Variants in PDGFRL observed in about 807,000 individuals in gnomAD.
PDGFRL encodes platelet-derived growth factor receptor-like protein.
In PDGFRL, 46 loss-of-function variants were observed where a neutral mutation model predicts 37.2. The ratio of observed to expected loss-of-function variants is 1.24; its 90% CI spans 0.98 to 1.58. The LOEUF (loss-of-function observed/expected upper bound fraction) is 1.58, where lower values mean the gene tolerates loss of function less well. Ranked by LOEUF, PDGFRL falls within the 40% of genes most tolerant of loss-of-function variation. PDGFRL has a pLI of 0.00. For synonymous variants in PDGFRL, 251 were observed against 184.3 expected, an observed-to-expected ratio of 1.36 and a Z score of -2.93; for missense variants, 692 against 467.6, an observed-to-expected ratio of 1.48 and a Z score of -4.43.
At chr8:17,577,765 C>T (rs1803618531) in intron 1 of PDGFRL, among the ~76,000 whole-genome samples, 1 of 151,404 alleles carries the variant, frequency 6.6e-6, no homozygotes, top group African/African-American at 2.4e-5. Flanking sequence ...AGGTGACCTC[C>T]CCCTCCCCTC....
At chr8:17,597,018 TTTG>T (rs1297282432) in intron 2 of PDGFRL, among the ~76,000 whole-genome samples, 1 of 145,160 alleles carries the variant, frequency 6.9e-6, no homozygotes, top group Non-Finnish European at 1.5e-5. Context: ...TGTAGTTTTT[TTTG>T]TTTTTTGTTT....
chr8:17,628,386 C>G, intron 3 of PDGFRL, 101 bp from the exon 4 acceptor site: 1 of 827,106 alleles, frequency 1.2e-6, no homozygotes, highest in Admixed American at 2.0e-5. Flanking sequence ...CTTTCCTACT[C>G]CTAAGGACTC....
rs984454150 is a variant in PDGFRL at position 17,628,925 on chromosome 8, C to G, written c.799+145C>G. On this transcript the variant is annotated intron_variant, in intron 4 of 5. Transcript: ENST00000251630. ...TTGGGTTGTTGTTGTTTTTTTTTCT[C>G]TTTTTTCTTGAGACAGGGTCCCGTT... is the stretch of plus-strand genomic sequence containing the variant. The G allele has an allele frequency of 2.5e-5, 16 of 630,402 alleles. No individual in the cohort carries two copies. The African/African-American group carries it at 2.8e-4, about 11-fold the overall frequency. 39.1% of individuals were successfully genotyped at this position (630,402 alleles called of 1,614,324 possible).
At chr8:17,629,685 A>G (rs1804822198) in intron 4 of PDGFRL, among the ~76,000 whole-genome samples, 1 of 152,054 alleles carries the variant, frequency 6.6e-6, no homozygotes, top group Admixed American at 6.6e-5. Context: ...TCGACTTGGT[A>G]CCCACTGGCC....
rs1432489421 is a variant in PDGFRL, at chr8:17,593,024, C to T, written c.353+3259C>T. On this transcript the variant is annotated intron_variant, in intron 2 of 5. Transcript: ENST00000251630. ...GATATTAAACTGTCTACTTATCTCT[C>T]TTATCCTGTTGTATTAAGACATCTT... 4.6e-5 allele frequency among the ~76,000 whole-genome samples: 7 copies of T among 152,222 alleles called. 1 individual carries two copies. Among genetic ancestry groups the T allele is most frequent in the Admixed American group, 4.6e-4 (7 of 15,282 alleles).
At chr8:17,629,707 C>T (rs1407002630) in intron 4 of PDGFRL, among the ~76,000 whole-genome samples, 1 of 152,140 alleles carries the variant, frequency 6.6e-6, no homozygotes, top group Non-Finnish European at 1.5e-5. Flanking sequence ...GGTTCATGGA[C>T]CCCTCATCCG....
intron 2 of PDGFRL, among the ~76,000 whole-genome samples, chr8:17,602,610 G>A (rs1310575844): frequency 2.0e-5 from 3 of 152,208 alleles, no homozygotes. Flanking sequence ...GAAAGTGGTT[G>A]AAATTCCACA....
chr8:17,600,776 T>G (rs1804149632), intron 2 of PDGFRL, among the ~76,000 whole-genome samples: 1 of 149,646 alleles, frequency 6.7e-6, no homozygotes, highest in Non-Finnish European at 1.5e-5. Context: ...TGCTCCAGCC[T>G]GGGCAACAGA....
chr8:17,641,488 G>C (rs1357807114), intron 5 of PDGFRL, among the ~76,000 whole-genome samples: 1 of 152,172 alleles, frequency 6.6e-6, no homozygotes, highest in Non-Finnish European at 1.5e-5. Context: ...CTATTCCTGT[G>C]TTTCACTTGG....
rs563964521 is a variant in PDGFRL at position 17,610,747 on chromosome 8, C to A, written c.354-10304C>A. Among the ~76,000 whole-genome samples the A allele has an allele frequency of 7.2e-5, 11 of 152,284 alleles. No individual in the cohort carries two copies. The South Asian group carries it at 2.1e-3, about 29-fold the overall frequency. On this transcript the variant is annotated intron_variant, in intron 2 of 5. Coordinates refer to ENST00000251630, the MANE Select transcript of PDGFRL (RefSeq NM_001372073.1). ...CCAGTATGGTGAAACCCCGTCACTA[C>A]TAAACACACAAAAATTAGCCGGGCC...
chr8:17,615,402 C>G (rs1421605507), intron 2 of PDGFRL, among the ~76,000 whole-genome samples: 4 of 152,068 alleles, frequency 2.6e-5, no homozygotes. Context: ...CATTTCATTT[C>G]ATTTCTGTAG....
chr8:17,591,335 A>C (rs1243503551), intron 2 of PDGFRL, among the ~76,000 whole-genome samples: 3 of 152,150 alleles, frequency 2.0e-5, no homozygotes, highest in Admixed American at 6.5e-5. Context: ...GACAGCGGCA[A>C]GTGTGAGAAG....
At chr8:17,634,005 T>C (rs559958273) in intron 4 of PDGFRL, 69 bp from the exon 5 acceptor site, 1 of 1,433,450 alleles carries the variant, frequency 7.0e-7, no homozygotes, top group Non-Finnish European at 9.8e-7. Context: ...TGGAAAAGAA[T>C]GCATCTGTAG....
chr8:17,596,338 G>C, intron 2 of PDGFRL: 1 of 1,237,922 alleles, frequency 8.1e-7, no homozygotes, highest in Non-Finnish European at 1.0e-6. Context: ...ACGTAACTCC[G>C]TGGGAAGAAG....
chr8:17,633,961 CTGT>C, intron 4 of PDGFRL, 110 bp from the exon 5 acceptor site: 1 of 1,056,998 alleles, frequency 9.5e-7, no homozygotes, highest in Middle Eastern at 2.2e-4. Context: ...GGTCAGGGAG[CTGT>C]GAGAAAGGCA....
chr8:17,606,886 GTTTTTTTGTT>G, intron 2 of PDGFRL, among the ~76,000 whole-genome samples: 1 of 138,262 alleles, frequency 7.2e-6, no homozygotes, highest in South Asian at 2.2e-4. Context: ...TTCGTTTTTT[GTTTTTTTGTT>G]TTTTTTTTTT....
intron 3 of PDGFRL, among the ~76,000 whole-genome samples, chr8:17,622,877 A>G (rs573579453): frequency 6.6e-5 from 10 of 152,164 alleles, no homozygotes; most frequent in African/African-American, 2.4e-4. Flanking sequence ...CAGGCCCTTA[A>G]TCTGAGTCAC....
At chr8:17,608,710 C>A (rs931011329) in intron 2 of PDGFRL, among the ~76,000 whole-genome samples, 1 of 152,166 alleles carries the variant, frequency 6.6e-6, no homozygotes, top group Non-Finnish European at 1.5e-5. Context: ...CAACGACAAG[C>A]AGCTTAAGAA....
At chr8:17,610,461 G>T (rs1804387451) in intron 2 of PDGFRL, among the ~76,000 whole-genome samples, 1 of 152,148 alleles carries the variant, frequency 6.6e-6, no homozygotes, top group Non-Finnish European at 1.5e-5. Flanking sequence ...TAACTAGTAA[G>T]TATGATGCAG....
Sources: gnomAD v4.1 joint callset for allele counts (sites outside exome capture counted in the v4.1 genomes callset) on GRCh38, gnomAD v4.1.1 for gene constraint, MANE v1.5 for transcripts, NCBI Gene and HGNC (gene_info 2026-07-23, HGNC 2026-07-21) for gene names.